Variants in PFKFB3 observed in about 807,000 individuals in gnomAD.
PFKFB3 encodes the protein 6-phosphofructo-2-kinase/fructose-2,6-bisphosphatase 3.
PFKFB3 carries 33 observed loss-of-function variants against 68.0 expected under a neutral mutation model. The observed-to-expected ratio is 0.49, with a 90% CI of 0.37 to 0.65. The LOEUF (loss-of-function observed/expected upper bound fraction) is 0.65. Ranked by LOEUF, PFKFB3 falls within the 30% of genes least tolerant of loss-of-function variation. The probability of loss-of-function intolerance (pLI) is 0.00; values close to 1 mark genes in which losing one functional copy is unlikely to be tolerated. For synonymous variants in PFKFB3, 315 were observed against 288.2 expected, an observed-to-expected ratio of 1.09 and a Z score of -0.94; for missense variants, 586 against 712.2, an observed-to-expected ratio of 0.82 and a Z score of 2.02.
chr10:6,244,469 C>T lies in PFKFB3; in HGVS notation c.1516-9709C>T, dbSNP rs902943960. On this transcript the variant is annotated intron_variant, in intron 14 of 14. Coordinates refer to the PFKFB3 transcript ENST00000640683. Reference sequence around the variant, plus strand: ...GGAAAACACTAACCGTATTCCAATTCGGGGCAGGCCTGAGAATTTGGGCGC... The same window carrying T: ...GGAAAACACTAACCGTATTCCAATTTGGGGCAGGCCTGAGAATTTGGGCGC... Among the ~76,000 whole-genome samples the T allele has an allele frequency of 3.9e-5, 6 of 152,106 alleles. No individual in the cohort carries two copies. The East Asian group carries it at 5.8e-4, about 15-fold the overall frequency.
chr10:6,277,260 G>A, the PFKFB3 span, among the ~76,000 whole-genome samples: 1 of 151,342 alleles, frequency 6.6e-6, no homozygotes, highest in African/African-American at 2.4e-5. Flanking sequence ...TTGAGACAGA[G>A]TATCGCTCTT....
the PFKFB3 span, among the ~76,000 whole-genome samples, chr10:6,290,560 G>A: frequency 2.0e-5 from 3 of 147,078 alleles, no homozygotes; most frequent in African/African-American, 7.6e-5. Flanking sequence ...GTGCAGTGGT[G>A]CGATCTCAGC....
the PFKFB3 span, among the ~76,000 whole-genome samples, chr10:6,305,109 G>A: frequency 5.4e-5 from 7 of 130,288 alleles, no homozygotes; most frequent in Non-Finnish European, 1.1e-4. Flanking sequence ...CTATCCTCCT[G>A]CCTTGGCCTT....
chr10:6,231,479 C>T (rs573723240), intron 14 of PFKFB3: 463 of 985,258 alleles, frequency 4.7e-4, no homozygotes, highest in Non-Finnish European at 5.4e-4. Flanking sequence ...TCTCACCCCC[C>T]ACGTGTCCTG....
intron 14 of PFKFB3, among the ~76,000 whole-genome samples, chr10:6,244,727 T>C (rs1341867282): frequency 6.7e-6 from 1 of 149,168 alleles, no homozygotes. Context: ...GCTAAGGATA[T>C]AAGCACGTTG....
Position 6,228,695 on chromosome 10 carries a change from AG to A in PFKFB3, c.1515+2331del, listed in dbSNP as rs1845522895. Among the ~76,000 whole-genome samples, 1 of 17,034 alleles carries A rather than the reference AG, an allele frequency of 5.9e-5. No homozygotes were observed. The highest frequency in any genetic ancestry group is 3.1e-4 in the Non-Finnish European group (1 of 3,214). 11.2% of individuals were successfully genotyped at this position (17,034 alleles called of 152,430 possible). The stretch of plus-strand genomic sequence containing the variant: ...AACCAAACCTATGGGGAATAGTGGG[AG>A]TGTGGTGGGGCCTGAGCTCTGAGCC... On this transcript the variant is annotated intron_variant, in intron 14 of 14. Coordinates refer to ENST00000379775, the MANE Select transcript of PFKFB3 (RefSeq NM_004566.4). This position sits in a 1 kb window ranked among gnomAD's most constrained non-coding sequence, Gnocchi z 4.5.
At chr10:6,262,365 A>G in the PFKFB3 span, among the ~76,000 whole-genome samples, 4 of 54,576 alleles carry the variant, frequency 7.3e-5, no homozygotes, top group Non-Finnish European at 2.0e-4. Context: ...GAGGCAGGAG[A>G]ATGGCGTGAA....
the PFKFB3 span, among the ~76,000 whole-genome samples, chr10:6,267,578 G>A: frequency 6.6e-6 from 1 of 152,156 alleles, no homozygotes; most frequent in Non-Finnish European, 1.5e-5. Context: ...GACATAGCAC[G>A]CTTCCTTTCA....
chr10:6,160,681 G>A (rs958031940), intron 1 of PFKFB3, among the ~76,000 whole-genome samples: 9 of 127,032 alleles, frequency 7.1e-5, no homozygotes, highest in African/African-American at 2.7e-4. Flanking sequence ...TCTCGCCATT[G>A]CATTCCAGCC....
chr10:6,318,713 C>T, the PFKFB3 span, among the ~76,000 whole-genome samples: 7 of 152,184 alleles, frequency 4.6e-5, no homozygotes, highest in African/African-American at 4.8e-5. Flanking sequence ...TAAAGGGAAT[C>T]GTGTGGGAGG....
In PFKFB3 at chr10:6,203,336, T is replaced by A. The variant is rs751708658; in HGVS notation, c.76T>A (p.Ser26Thr). The part of the protein sequence containing the change: ...PVDHRPSLPR[S>T]CGPKLTNSPT... ...GGACCACAGGCCCTCGTTGCCCAGATGTGAGTGCAGCTGCGCGGAGCCGGG... is the reference window on the plus strand; with the variant it reads ...GGACCACAGGCCCTCGTTGCCCAGAAGTGAGTGCAGCTGCGCGGAGCCGGG... The change falls in exon 1 of 15, where the codon TCC (serine) becomes ACC (threonine). Residue 26 changes from serine (S) to threonine (T), a missense_variant and splice_region_variant. By Grantham distance (58) the Ser-to-Thr change is moderately conservative. Transcript: ENST00000379775. The A allele has an allele frequency of 2.2e-5, 35 of 1,604,340 alleles. No homozygotes were observed. Among genetic ancestry groups the A allele is most frequent in the Non-Finnish European group, 3.0e-5 (35 of 1,175,820 alleles).
the PFKFB3 span, among the ~76,000 whole-genome samples, chr10:6,288,606 T>A: frequency 1.3e-5 from 2 of 151,922 alleles, no homozygotes; most frequent in African/African-American, 4.8e-5. Context: ...TCTATCATTG[T>A]TGGACATTTG....
chr10:6,226,320 GC>G lies in PFKFB3; in HGVS notation c.1473del (p.Ser492AlafsTer16). On this transcript the variant is annotated frameshift_variant, in exon 14 of 15. Coordinates refer to ENST00000379775, the MANE Select transcript of PFKFB3 (RefSeq NM_004566.4). LOFTEE classifies it high-confidence loss of function. The part of the protein sequence containing the change: ...EHVASTSAAL[P>X]SCLPPEVPTQ... Reference sequence around the variant, plus strand: ...ATGTGGCCTCCACCTCGGCCGCCCTGCCCAGCTGCCTGCCCCCGGAGGTGCC... The same window carrying G: ...ATGTGGCCTCCACCTCGGCCGCCCTGCCAGCTGCCTGCCCCCGGAGGTGCC... 6.2e-7 allele frequency: 1 copy of G among 1,613,970 alleles called. No homozygotes were observed. The highest frequency in any genetic ancestry group is 1.1e-5 in the South Asian group (1 of 91,072).
chr10:6,222,314 CCCT>C (rs1478445419), intron 10 of PFKFB3, among the ~76,000 whole-genome samples: 3 of 152,222 alleles, frequency 2.0e-5, no homozygotes. Context: ...AAAGTCACAG[CCCT>C]CCTGCTTCTT....
chr10:6,159,724 A>C (rs112183050), intron 1 of PFKFB3, among the ~76,000 whole-genome samples: 32,906 of 150,364 alleles, frequency 0.22, 3,789 homozygotes, highest in Non-Finnish European at 0.26. Flanking sequence ...ACACCAAAAA[A>C]CCAAAAACCA....
chr10:6,231,151 G>T, intron 14 of PFKFB3: 1 of 819,894 alleles, frequency 1.2e-6, no homozygotes, highest in Non-Finnish European at 2.0e-6. Context: ...CATTTGTGAT[G>T]CAACCTTCAT....
chr10:6,278,020 C>T, the PFKFB3 span, among the ~76,000 whole-genome samples: 1 of 151,500 alleles, frequency 6.6e-6, no homozygotes, highest in African/African-American at 2.4e-5. Flanking sequence ...TGAGTTCACA[C>T]CATTCTCCTG....
chr10:6,146,172 G>A, intron 1 of PFKFB3: 2 of 1,359,342 alleles, frequency 1.5e-6, no homozygotes, highest in Non-Finnish European at 1.9e-6. Context: ...CCTGGCACTG[G>A]GCCTGTGCTG....
intron 1 of PFKFB3, among the ~76,000 whole-genome samples, chr10:6,159,532 A>T (rs1050509825): frequency 1.3e-5 from 2 of 151,826 alleles, no homozygotes; most frequent in Non-Finnish European, 2.9e-5. Flanking sequence ...TCTACTAAAA[A>T]TACAAAAAAA....
Sources: allele counts gnomAD v4.1 joint callset (sites outside exome capture counted in the v4.1 genomes callset), GRCh38; gene constraint gnomAD v4.1.1; non-coding constraint Gnocchi (gnomAD v3.1); transcripts MANE v1.5; gene names NCBI Gene and HGNC (gene_info 2026-07-23, HGNC 2026-07-21).